Variants in TGDS observed in about 807,000 individuals in gnomAD.
TGDS encodes TDP-glucose 4,6-dehydratase.
Under a neutral mutation model 52.3 loss-of-function variants are expected in TGDS, and 47 were observed. That is an observed-to-expected ratio of 0.90 (90% CI 0.71 to 1.15). TGDS has a LOEUF of 1.15. TGDS is among the 50% of genes most tolerant of loss of function. The pLI is 0.00. For missense variants in TGDS, 375 were observed against 418.4 expected (o/e 0.90, Z 0.90); for synonymous variants, 115 against 136.9 (o/e 0.84, Z 1.12).
intron 4 of TGDS, 146 bp from the exon 5 acceptor site, chr13:94,583,382 A>C: frequency 1.3e-6 from 1 of 762,284 alleles, no homozygotes; most frequent in Non-Finnish European, 1.9e-6. Context: ...ATACACAGGC[A>C]GTCATATTTA....
chr13:94,577,981 C>T, intron 9 of TGDS, 24 bp downstream of exon 9: 3 of 1,595,416 alleles, frequency 1.9e-6, no homozygotes, highest in South Asian at 2.3e-5. Context: ...TTGAAAATAC[C>T]AACCTTTTAA....
rs780578581 is a variant in TGDS, at chr13:94,574,749, CTTT to C, written c.*30_*32del. The C allele has an allele frequency of 7.1e-6, 10 of 1,416,432 alleles. No homozygotes were observed. The highest frequency in any genetic ancestry group is 6.9e-6 in the Non-Finnish European group (7 of 1,015,850). The allele number at this position is 1,416,432 out of a possible 1,614,324, so 87.7% of individuals were successfully genotyped here. Reference sequence around the variant, plus strand: ...CTTGGCGAGGTAGGATAACTTTCTTCTTTGACAACTGTCTCGACTATATAAATG... The same window carrying C: ...CTTGGCGAGGTAGGATAACTTTCTTCGACAACTGTCTCGACTATATAAATG... On this transcript the variant is annotated 3_prime_UTR_variant, in exon 12 of 12. Transcript: ENST00000261296.
At chr13:94,594,823 A>T (rs1324023980) in intron 1 of TGDS, among the ~76,000 whole-genome samples, 1 of 152,262 alleles carries the variant, frequency 6.6e-6, no homozygotes, top group Middle Eastern at 3.4e-3. Context: ...GAATCCTCAC[A>T]TTCCCACTTC....
chr13:94,583,056 A>T (rs375390794), intron 5 of TGDS, 38 bp downstream of exon 5: 1 of 1,600,976 alleles, frequency 6.2e-7, no homozygotes, highest in Non-Finnish European at 8.5e-7. Context: ...ATCATGGTAC[A>T]TGGTTAAGTA....
Position 94,576,312 on chromosome 13 carries a change from A to G in TGDS, c.982+2T>C. ...CCCCAAAATGATTAATTCAAAACAT[A>G]CTTGTTTTCTTTATTCCTTCTTTCC... On this transcript the variant is annotated splice_donor_variant, in intron 11 of 11. Transcript: ENST00000261296. LOFTEE classifies it high-confidence loss of function. 6.3e-7 allele frequency: 1 copy of G among 1,579,672 alleles called. No homozygotes were observed. Among genetic ancestry groups the G allele is most frequent in the Non-Finnish European group, 8.6e-7 (1 of 1,164,654 alleles).
intron 1 of TGDS, 76 bp from the exon 2 acceptor site, chr13:94,593,983 G>T: frequency 1.2e-6 from 1 of 863,930 alleles, no homozygotes; most frequent in Non-Finnish European, 1.8e-6. Flanking sequence ...CTAAGGTGTT[G>T]AGTACTAGGA....
At chr13:94,590,677 T>C (rs1254169372) in intron 4 of TGDS, among the ~76,000 whole-genome samples, 176 bp downstream of exon 4, 1 of 152,180 alleles carries the variant, frequency 6.6e-6, no homozygotes, top group Non-Finnish European at 1.5e-5. Flanking sequence ...TTCACTAATA[T>C]AGCCTTGCAA....
chr13:94,574,233 CTT>C lies in TGDS; in HGVS notation c.*547_*548del, dbSNP rs199977214. 1,124 of 152,202 alleles carry C rather than the reference CTT, an allele frequency of 7.4e-3. 7 individuals carry two copies. Among genetic ancestry groups the C allele is most frequent in the Non-Finnish European group, 0.011 (730 of 68,012 alleles). 9.4% of individuals were successfully genotyped at this position (152,202 alleles called of 1,614,324 possible). A position where few individuals can be genotyped will look rare whatever the true frequency, so the allele number is the denominator to read the frequency against. ...TACGTTAATTGTGAAAATATAAAAA[CTT>C]TACACACTTCTCTTAAAAAGCATTC... is the stretch of plus-strand genomic sequence containing the variant. On this transcript the variant is annotated 3_prime_UTR_variant, in exon 12 of 12. Transcript: ENST00000261296.
Position 94,593,945 on chromosome 13 carries a change from T to C in TGDS, c.87-38A>G, listed in dbSNP as rs538460217. On this transcript the variant is annotated intron_variant, in intron 1 of 11. Transcript: ENST00000261296. ...AGTATATCTTGTTAGTGAAAAACTT[T>C]AACTTCCCTAAACTCTTGAATATTT... The C allele has an allele frequency of 1.1e-5, 14 of 1,278,044 alleles. No homozygotes were observed. In the South Asian group the frequency reaches 1.3e-4, roughly 12 times the overall value. 79.2% of individuals were successfully genotyped at this position (1,278,044 alleles called of 1,614,324 possible).
chr13:94,579,451 G>T (rs1888713175), intron 7 of TGDS: 1 of 153,044 alleles, frequency 6.5e-6, no homozygotes, highest in South Asian at 2.1e-4. Flanking sequence ...GGCACAGTTA[G>T]CCAGCTGACA....
At chr13:94,581,707 G>C (rs1443470621) in intron 5 of TGDS, among the ~76,000 whole-genome samples, 1 of 152,024 alleles carries the variant, frequency 6.6e-6, no homozygotes, top group Non-Finnish European at 1.5e-5. Flanking sequence ...AGTGGTCAAG[G>C]TTTACTTTTT....
rs1409454011 is a variant in TGDS at position 94,577,303 on chromosome 13, A to G, written c.884+68T>C. 4.0e-6 allele frequency: 5 copies of G among 1,244,864 alleles called. No individual in the cohort carries two copies. The East Asian group carries it at 7.7e-5, about 19-fold the overall frequency. 77.1% of individuals were successfully genotyped at this position (1,244,864 alleles called of 1,614,324 possible). On this transcript the variant is annotated intron_variant, in intron 10 of 11. Coordinates refer to ENST00000261296, the MANE Select transcript of TGDS (RefSeq NM_014305.4). The stretch of plus-strand genomic sequence containing the variant: ...TAAACTAGTTATTGGTCAAGTCCAC[A>G]TATTTTATAATTTTATAAGTACCTA...
At chr13:94,578,952 C>A (rs975750977) in intron 7 of TGDS, among the ~76,000 whole-genome samples, 179 bp from the exon 8 acceptor site, 26 of 152,028 alleles carry the variant, frequency 1.7e-4, no homozygotes, top group Admixed American at 1.3e-4. Context: ...TCCTAGTTTG[C>A]TATTTCATAA....
At chr13:94,581,267 A>G in intron 5 of TGDS, 78 bp from the exon 6 acceptor site, 1 of 940,330 alleles carries the variant, frequency 1.1e-6, no homozygotes, top group South Asian at 2.3e-5. Context: ...TTAACACTTC[A>G]AATGTCAATC....
In TGDS at chr13:94,583,044, G is replaced by GT. The variant is rs756254243; in HGVS notation, c.456+49dup. ...AGCCCAGTGTAGGTTTAATAAAACT[G>GT]TATCATGGTACATGGTTAAGTAGGT... On this transcript the variant is annotated intron_variant, in intron 5 of 11. Transcript: ENST00000261296. The GT allele has an allele frequency of 2.5e-6, 4 of 1,586,004 alleles. No individual in the cohort carries two copies. In the Admixed American group the frequency reaches 7.1e-5, roughly 28 times the overall value.
At chr13:94,588,197 G>T (rs1375164807) in intron 4 of TGDS, among the ~76,000 whole-genome samples, 1 of 151,802 alleles carries the variant, frequency 6.6e-6, no homozygotes, top group African/African-American at 2.4e-5. Flanking sequence ...CCTGAGGAGG[G>T]TGGCTCGTCT....
At position 94,578,144 on chromosome 13, in the gene TGDS, G is replaced by C. The variant is rs1183007382; in HGVS notation, c.686C>G (p.Thr229Arg). Residue 229 changes from threonine (T) to arginine (R), a missense_variant, in exon 9 of 12, where the codon ACA (threonine) becomes AGA (arginine). By Grantham distance (71) the Thr-to-Arg change is moderately conservative (BLOSUM62 -1). Transcript: ENST00000261296. ...KCCIHGSGLQ[T>R]RNFLYATDVV... The stretch of plus-strand genomic sequence containing the variant: ...ATCAGTAGCATAAAGGAAGTTTCTT[G>C]TTTGAAGCCCTGACCCATGAATGCA... 5.0e-6 allele frequency: 8 copies of C among 1,613,570 alleles called. No individual in the cohort carries two copies. Among genetic ancestry groups the C allele is most frequent in the Non-Finnish European group, 6.8e-6 (8 of 1,179,798 alleles).
Position 94,593,331 on chromosome 13 carries a change from T to C in TGDS, c.153+510A>G, listed in dbSNP as rs562697605. Among the ~76,000 whole-genome samples, 462 of 152,302 alleles carry C rather than the reference T, an allele frequency of 3.0e-3. 1 individual carries two copies. The highest frequency in any genetic ancestry group is 0.01 in the African/African-American group (430 of 41,562). On this transcript the variant is annotated intron_variant, in intron 2 of 11. Coordinates refer to ENST00000261296, the MANE Select transcript of TGDS (RefSeq NM_014305.4). ...TGGTATATTGGTGATACAGAAAAAA[T>C]TCCTGTCCATAATAGCAAGTCAGGC...
At chr13:94,593,334 C>T (rs1329973424) in intron 2 of TGDS, among the ~76,000 whole-genome samples, 1 of 152,044 alleles carries the variant, frequency 6.6e-6, no homozygotes, top group Non-Finnish European at 1.5e-5. Context: ...GAAAAAATTC[C>T]TGTCCATAAT....
Sources: gnomAD v4.1 joint callset for allele counts (sites outside exome capture counted in the v4.1 genomes callset) on GRCh38, gnomAD v4.1.1 for gene constraint, MANE v1.5 for transcripts, NCBI Gene and HGNC (gene_info 2026-07-23, HGNC 2026-07-21) for gene names.